Variants in FLRT2 observed in about 807,000 individuals in gnomAD.
FLRT2 encodes leucine-rich repeat transmembrane protein FLRT2.
A neutral mutation model predicts 40.0 loss-of-function variants in FLRT2; 15 were observed. The ratio of observed to expected loss-of-function variants is 0.38; its 90% CI spans 0.25 to 0.58. FLRT2 has a LOEUF of 0.58. FLRT2 is among the 20% of genes least tolerant of loss of function. The pLI is 0.71. For synonymous variants in FLRT2, 380 were observed against 336.8 expected, an observed-to-expected ratio of 1.13 and a Z score of -1.41; for missense variants, 726 against 840.0, an observed-to-expected ratio of 0.86 and a Z score of 1.68.
chr14:85,618,923 G>C (rs191693189), intron 1 of FLRT2, among the ~76,000 whole-genome samples: 1 of 152,238 alleles, frequency 6.6e-6, no homozygotes, highest in Admixed American at 6.5e-5. Flanking sequence ...CCTGAGCTAA[G>C]GATGCCATCA....
intron 1 of FLRT2, among the ~76,000 whole-genome samples, chr14:85,616,805 C>T (rs1485464923): frequency 2.0e-5 from 3 of 152,162 alleles, no homozygotes; most frequent in African/African-American, 7.2e-5. Context: ...ACTTTTAAGC[C>T]TCATGAGCCA....
intron 1 of FLRT2, among the ~76,000 whole-genome samples, chr14:85,542,519 T>C (rs925669339): frequency 1.3e-5 from 2 of 152,258 alleles, no homozygotes; most frequent in Admixed American, 6.5e-5. Context: ...ATTAATCAAA[T>C]TGGACCTGAG....
intron 1 of FLRT2, among the ~76,000 whole-genome samples, chr14:85,539,950 C>G (rs1399411109): frequency 6.6e-6 from 1 of 152,132 alleles, no homozygotes; most frequent in Non-Finnish European, 1.5e-5. Context: ...ATCTCCTTTT[C>G]TGAGTTTGCG....
At chr14:85,592,476 C>T (rs190387602) in intron 1 of FLRT2, among the ~76,000 whole-genome samples, 26 of 152,088 alleles carry the variant, frequency 1.7e-4, no homozygotes, top group Middle Eastern at 3.4e-3. Flanking sequence ...AGAAGTATCA[C>T]CATTACTTGC....
In FLRT2 at chr14:85,640,786, C is replaced by T. The variant is rs563685596; in HGVS notation, c.*17289C>T. The T allele has an allele frequency of 1.9e-5, 2 of 105,626 alleles. No homozygotes were observed. The highest frequency in any genetic ancestry group is 3.9e-4 in the South Asian group (1 of 2,584). The allele number at this position is 105,626 out of a possible 1,614,324, so 6.5% of individuals were successfully genotyped here. A position where few individuals can be genotyped will look rare whatever the true frequency, so the allele number is the denominator to read the frequency against. ...AGTGTGGCAAACACATCATTAGAAA[C>T]TGCCTCCTATTCACTCTCTTAATAG... On this transcript the variant is annotated 3_prime_UTR_variant, in exon 2 of 2. Transcript: ENST00000330753.
intron 1 of FLRT2, among the ~76,000 whole-genome samples, chr14:85,557,228 T>TA (rs1394086275): frequency 2.0e-5 from 3 of 150,080 alleles, no homozygotes; most frequent in Non-Finnish European, 4.4e-5. Context: ...GGTAGAAGCT[T>TA]AAAAAACATG....
chr14:85,616,905 T>A (rs1893161899), intron 1 of FLRT2, among the ~76,000 whole-genome samples: 1 of 152,242 alleles, frequency 6.6e-6, no homozygotes, highest in African/African-American at 2.4e-5. Context: ...TATATTACAT[T>A]TTCATGCTTT....
chr14:85,550,920 C>T (rs888435356), intron 1 of FLRT2, among the ~76,000 whole-genome samples: 1 of 152,126 alleles, frequency 6.6e-6, no homozygotes. Flanking sequence ...GCTGGTTTAG[C>T]TTAAATTTGG....
At position 85,635,902 on chromosome 14, in the gene FLRT2, A is replaced by G. The variant is rs985339219; in HGVS notation, c.*12405A>G. ...CACTAGCTTTATTTCATCACATCAT[A>G]CACCTGAATGTAATCAACATTGCTT... On this transcript the variant is annotated 3_prime_UTR_variant, in exon 2 of 2. Coordinates refer to ENST00000330753, the MANE Select transcript of FLRT2 (RefSeq NM_013231.6). The G allele has an allele frequency of 6.6e-6, 1 of 152,110 alleles. No homozygotes were observed. The highest frequency in any genetic ancestry group is 1.5e-5 in the Non-Finnish European group (1 of 67,980). The allele number at this position is 152,110 out of a possible 1,614,324, so 9.4% of individuals were successfully genotyped here. A position where few individuals can be genotyped will look rare whatever the true frequency, so the allele number is the denominator to read the frequency against.
At chr14:85,579,945 T>A (rs1891310772) in intron 1 of FLRT2, among the ~76,000 whole-genome samples, 2 of 150,934 alleles carry the variant, frequency 1.3e-5, no homozygotes, top group Non-Finnish European at 3.0e-5. Flanking sequence ...TTTTTTTTTT[T>A]TTTAAATAAG....
intron 1 of FLRT2, among the ~76,000 whole-genome samples, chr14:85,540,587 A>G (rs916642308): frequency 5.3e-5 from 8 of 152,202 alleles, no homozygotes; most frequent in Non-Finnish European, 1.2e-4. Flanking sequence ...TTTATAAAAT[A>G]CGTGGTTGGA....
intron 1 of FLRT2, among the ~76,000 whole-genome samples, chr14:85,617,512 T>G (rs2139362929): frequency 6.6e-6 from 1 of 152,320 alleles, no homozygotes; most frequent in East Asian, 1.9e-4. Flanking sequence ...GTGACCATTA[T>G]ACATTCTTTC....
intron 1 of FLRT2, among the ~76,000 whole-genome samples, chr14:85,600,788 A>C (rs1290720517): frequency 6.6e-6 from 1 of 152,186 alleles, no homozygotes; most frequent in African/African-American, 2.4e-5. Context: ...GGGAACTTCC[A>C]GTGCTGGGAA....
At position 85,636,101 on chromosome 14, in the gene FLRT2, C is replaced by A. The variant is rs1893992515; in HGVS notation, c.*12604C>A. The A allele has an allele frequency of 6.6e-6, 1 of 151,946 alleles. No homozygotes were observed. The highest frequency in any genetic ancestry group is 2.1e-4 in the South Asian group (1 of 4,826). 9.4% of individuals were successfully genotyped at this position (151,946 alleles called of 1,614,324 possible). ...TTCATAAGCTGTTATTTATGCTTCT[C>A]ATTAATTAGTTCTTTGTTATGAAAT... On this transcript the variant is annotated 3_prime_UTR_variant, in exon 2 of 2. Transcript: ENST00000330753.
At chr14:85,546,592 A>T (rs943033805) in intron 1 of FLRT2, among the ~76,000 whole-genome samples, 2 of 152,144 alleles carry the variant, frequency 1.3e-5, no homozygotes, top group Non-Finnish European at 2.9e-5. Flanking sequence ...TGGAAGTGCA[A>T]ATTTAGCTGA....
chr14:85,616,447 A>G (rs931680289), intron 1 of FLRT2, among the ~76,000 whole-genome samples: 4 of 152,222 alleles, frequency 2.6e-5, no homozygotes, highest in East Asian at 1.9e-4. Context: ...TTCGTTTAAT[A>G]TCTTCTAGAA....
rs188200393 is a variant in FLRT2 at position 85,536,738 on chromosome 14, C to A, written c.-377+6204C>A. On this transcript the variant is annotated intron_variant, in intron 1 of 1. Transcript: ENST00000330753. Reference sequence around the variant, plus strand: ...AGTTCTTTCTGGATATTTCAGTTTACCTAATTTGATTTTTCTAATACAGAG... The same window carrying A: ...AGTTCTTTCTGGATATTTCAGTTTAACTAATTTGATTTTTCTAATACAGAG... 1.5e-4 allele frequency among the ~76,000 whole-genome samples: 23 copies of A among 151,718 alleles called. No individual in the cohort carries two copies. The East Asian group carries it at 4.5e-3, about 30-fold the overall frequency.
intron 1 of FLRT2, among the ~76,000 whole-genome samples, chr14:85,580,234 C>T (rs1201940055): frequency 6.6e-6 from 1 of 152,124 alleles, no homozygotes; most frequent in African/African-American, 2.4e-5. Context: ...GACAGTGTGC[C>T]TGGTTTGCCT....
intron 1 of FLRT2, among the ~76,000 whole-genome samples, chr14:85,583,449 C>G (rs1334095181): frequency 6.6e-6 from 1 of 152,172 alleles, no homozygotes; most frequent in African/African-American, 2.4e-5. Flanking sequence ...GATGAGCACT[C>G]TGTCCCATGA....
Sources: allele counts gnomAD v4.1 joint callset (sites outside exome capture counted in the v4.1 genomes callset), GRCh38; gene constraint gnomAD v4.1.1; transcripts MANE v1.5; gene names NCBI Gene and HGNC (gene_info 2026-07-23, HGNC 2026-07-21).